The following BCAS3 variants were observed in gnomAD, a reference collection of about 807,000 sequenced individuals.
The protein encoded by BCAS3 is BCAS3 microtubule associated cell migration factor.
Under a neutral mutation model 116.1 loss-of-function variants are expected in BCAS3, and 53 were observed. The observed-to-expected ratio is 0.46, with a 90% CI of 0.37 to 0.57. BCAS3 has a LOEUF of 0.57. BCAS3 is among the 20% of genes least tolerant of loss of function. The pLI, the probability that BCAS3 is intolerant of heterozygous loss-of-function variation, is 0.00. For missense variants in BCAS3, 917 were observed against 1,165.4 expected (o/e 0.79, Z 3.10); for synonymous variants, 391 against 408.2 (o/e 0.96, Z 0.51).
At chr17:61,078,300 A>C (rs749523980) in intron 20 of BCAS3, 33 bp from the exon 21 acceptor site, 5 of 1,549,084 alleles carry the variant, frequency 3.2e-6, no homozygotes, top group Non-Finnish European at 4.4e-6. Context: ...AGGATCACAA[A>C]CCATTTAAAT....
At chr17:60,683,180 T>C (rs902302587) in intron 2 of BCAS3, among the ~76,000 whole-genome samples, 12 of 152,218 alleles carry the variant, frequency 7.9e-5, no homozygotes, top group African/African-American at 1.7e-4. Context: ...AAATGTAGAC[T>C]GACCTGCTAT....
At chr17:60,942,847 G>C (rs1393530326) in intron 13 of BCAS3, among the ~76,000 whole-genome samples, 1 of 151,974 alleles carries the variant, frequency 6.6e-6, no homozygotes, top group East Asian at 1.9e-4. Flanking sequence ...CTGCTTCTGG[G>C]AATAGCAAGG....
intron 22 of BCAS3, among the ~76,000 whole-genome samples, chr17:61,298,676 G>A (rs939685357): frequency 1.3e-5 from 2 of 152,076 alleles, no homozygotes; most frequent in Admixed American, 6.6e-5. Flanking sequence ...CAAAGGGGAC[G>A]TCCCACACCC....
chr17:60,764,087 TTTC>T (rs1381887918), intron 6 of BCAS3, among the ~76,000 whole-genome samples: 2 of 151,962 alleles, frequency 1.3e-5, no homozygotes, highest in African/African-American at 4.8e-5. Context: ...TCTTCTCTCT[TTTC>T]TTCTTTATTA....
At chr17:61,127,616 A>G (rs939905673) in intron 22 of BCAS3, among the ~76,000 whole-genome samples, 1 of 150,668 alleles carries the variant, frequency 6.6e-6, no homozygotes, top group South Asian at 2.1e-4. Context: ...ATCATCGTAG[A>G]AAGTTCTGTT....
rs752195851 is a variant in BCAS3 at position 60,770,764 on chromosome 17, G to C, written c.403+23485G>C. On this transcript the variant is annotated intron_variant, in intron 6 of 23. Coordinates refer to ENST00000407086, the MANE Select transcript of BCAS3 (RefSeq NM_017679.5). ...AGTGTGAATATTTACTTGCTATTTT[G>C]GTTCCTCTCTGTGGAGGAGGTGCAT... Among the ~76,000 whole-genome samples the C allele has an allele frequency of 6.8e-4, 101 of 149,562 alleles. 1 individual carries two copies. Among genetic ancestry groups the C allele is most frequent in the Non-Finnish European group, 1.2e-3 (83 of 67,654 alleles).
intron 8 of BCAS3, among the ~76,000 whole-genome samples, chr17:60,870,142 A>G (rs1359310817): frequency 6.6e-6 from 1 of 152,236 alleles, no homozygotes; most frequent in Non-Finnish European, 1.5e-5. Context: ...CTCATTCTCC[A>G]GAAACCGTAC....
At chr17:60,945,494 G>T (rs1337827073) in intron 13 of BCAS3, among the ~76,000 whole-genome samples, 1 of 152,136 alleles carries the variant, frequency 6.6e-6, no homozygotes, top group African/African-American at 2.4e-5. Context: ...TGAATTAATA[G>T]AATAGAACTT....
rs2050979060 is a variant in BCAS3, at chr17:61,278,635, A to G, written c.2426-89692A>G. Among the ~76,000 whole-genome samples, 2 of 152,238 alleles carry G rather than the reference A, an allele frequency of 1.3e-5. No individual in the cohort carries two copies. The highest frequency in any genetic ancestry group is 4.1e-4 in the South Asian group (2 of 4,826). ...TAAACAAAATGTGGTGTGTTCCTACAGTGGAACACAAAATATTCCATAAAA... is the reference window on the plus strand; with the variant it reads ...TAAACAAAATGTGGTGTGTTCCTACGGTGGAACACAAAATATTCCATAAAA... On this transcript the variant is annotated intron_variant, in intron 22 of 23. Transcript: ENST00000407086. The surrounding 1 kb of genome is among the most constrained non-coding windows in gnomAD (Gnocchi z 5.8).
chr17:60,772,717 C>T (rs9892004), intron 6 of BCAS3, among the ~76,000 whole-genome samples: 41,684 of 152,012 alleles, frequency 0.27, 11,422 homozygotes, highest in African/African-American at 0.71. Flanking sequence ...CTGTCTCTAG[C>T]AAAAATACAA....
At chr17:60,942,121 A>C (rs1166944408) in intron 13 of BCAS3, among the ~76,000 whole-genome samples, 1 of 152,140 alleles carries the variant, frequency 6.6e-6, no homozygotes, top group Admixed American at 6.5e-5. Flanking sequence ...ATTCATGCCT[A>C]AACTTAGGAA....
Position 61,391,829 on chromosome 17 carries a change from C to T in BCAS3, c.2594-148C>T. ...TTCCTGTGACCTGAGCTGCCCCCTG[C>T]CCATCCAGGGAGCAGGCGGGGATCC... On this transcript the variant is annotated intron_variant, in intron 23 of 23. Coordinates refer to ENST00000407086, the MANE Select transcript of BCAS3 (RefSeq NM_017679.5). The surrounding 1 kb of genome is among the most constrained non-coding windows in gnomAD (Gnocchi z 7.7). 1 of 817,594 alleles carries T rather than the reference C, an allele frequency of 1.2e-6. No homozygotes were observed. The highest frequency in any genetic ancestry group is 1.9e-6 in the Non-Finnish European group (1 of 516,246). The allele number at this position is 817,594 out of a possible 1,614,324, so 50.6% of individuals were successfully genotyped here. A position where few individuals can be genotyped will look rare whatever the true frequency, so the allele number is the denominator to read the frequency against.
rs183964337 is a variant in BCAS3 at position 61,166,330 on chromosome 17, C to T, written c.2425+81766C>T. Among the ~76,000 whole-genome samples, 3 of 151,068 alleles carry T rather than the reference C, an allele frequency of 2.0e-5. No homozygotes were observed. In the East Asian group the frequency reaches 5.8e-4, roughly 29 times the overall value. On this transcript the variant is annotated intron_variant, in intron 22 of 23. Transcript: ENST00000407086. ...TCTAATAGCAAATAGCTCCATAAAGCATTTCCTTTTTTTTCTTTTTCTAAA... is the reference window on the plus strand; with the variant it reads ...TCTAATAGCAAATAGCTCCATAAAGTATTTCCTTTTTTTTCTTTTTCTAAA...
chr17:61,240,148 T>C (rs1873867341), intron 22 of BCAS3, among the ~76,000 whole-genome samples: 1 of 152,176 alleles, frequency 6.6e-6, no homozygotes. Context: ...CTACCATTTA[T>C]TGAATGCCTG....
rs1313007170 is a variant in BCAS3, at chr17:61,378,240, CCT to C, written c.2593+9747_2593+9748del. The C allele has an allele frequency of 6.6e-6, 1 of 152,356 alleles. No individual in the cohort carries two copies. The highest frequency in any genetic ancestry group is 2.4e-5 in the African/African-American group (1 of 41,450). The allele number at this position is 152,356 out of a possible 1,614,324, so 9.4% of individuals were successfully genotyped here. A position where few individuals can be genotyped will look rare whatever the true frequency, so the allele number is the denominator to read the frequency against. On this transcript the variant is annotated intron_variant, in intron 23 of 23. Transcript: ENST00000407086. The surrounding 1 kb of genome is among the most constrained non-coding windows in gnomAD (Gnocchi z 5.8). ...GGATCCCAGCATCCCCAGCATGCAC[CCT>C]GTTACCTGGCCCTGGTGCATGTTGG...
intron 4 of BCAS3, among the ~76,000 whole-genome samples, chr17:60,707,487 G>A (rs2037320277): frequency 1.3e-5 from 2 of 152,164 alleles, no homozygotes; most frequent in East Asian, 1.9e-4. Context: ...AGGGTCAAGT[G>A]TACTTTTCCC....
chr17:60,978,598 A>C (rs896314863), intron 14 of BCAS3, among the ~76,000 whole-genome samples: 3 of 152,012 alleles, frequency 2.0e-5, no homozygotes, highest in Non-Finnish European at 4.4e-5. Context: ...CCTGAATGGT[A>C]AAGCCTAGGT....
At chr17:61,112,571 AC>A (rs2143746748) in intron 22 of BCAS3, among the ~76,000 whole-genome samples, 1 of 104,758 alleles carries the variant, frequency 9.5e-6, no homozygotes, top group East Asian at 3.0e-4. Context: ...ATACAGGAGC[AC>A]CCAGATTCAT....
chr17:60,919,674 G>T (rs12150267), intron 12 of BCAS3, among the ~76,000 whole-genome samples: 30,438 of 146,208 alleles, frequency 0.21, 3,697 homozygotes, highest in African/African-American at 0.36. Flanking sequence ...TTTCCTGTGT[G>T]TTTTTTTTTT....
Sources: allele counts gnomAD v4.1 joint callset (sites outside exome capture counted in the v4.1 genomes callset), GRCh38; gene constraint gnomAD v4.1.1; non-coding constraint Gnocchi (gnomAD v3.1); transcripts MANE v1.5; gene names NCBI Gene and HGNC (gene_info 2026-07-23, HGNC 2026-07-21).